The following GFOD2 variants were observed in gnomAD, a reference collection of about 807,000 sequenced individuals.
The protein encoded by GFOD2 is Gfo/Idh/MocA-like oxidoreductase domain containing 2, also known as glucose-fructose oxidoreductase domain-containing protein 2.
Under a neutral mutation model 24.6 loss-of-function variants are expected in GFOD2, and 9 were observed. The observed-to-expected ratio is 0.37, with a 90% CI of 0.22 to 0.64. The LOEUF (loss-of-function observed/expected upper bound fraction) is 0.64, where lower values mean the gene tolerates loss of function less well. GFOD2 is among the 30% of genes least tolerant of loss of function. The pLI is 0.65. For synonymous variants in GFOD2, 211 were observed against 224.8 expected (o/e 0.94, Z 0.55); for missense variants, 476 against 532.5 (o/e 0.89, Z 1.04).
At chr16:67,717,181 C>A (rs928975922) in intron 1 of GFOD2, among the ~76,000 whole-genome samples, 1 of 152,214 alleles carries the variant, frequency 6.6e-6, no homozygotes, top group Non-Finnish European at 1.5e-5. Flanking sequence ...CAGGCATGAG[C>A]TACTGCGCCC....
intron 1 of GFOD2, among the ~76,000 whole-genome samples, chr16:67,697,384 G>A (rs1484761450): frequency 6.6e-6 from 1 of 152,186 alleles, no homozygotes; most frequent in Non-Finnish European, 1.5e-5. Flanking sequence ...ATCTGTGACT[G>A]ACTTAGATGT....
At chr16:67,702,497 C>T (rs1458677794) in intron 1 of GFOD2, among the ~76,000 whole-genome samples, 3 of 151,468 alleles carry the variant, frequency 2.0e-5, no homozygotes, top group Admixed American at 2.0e-4. Flanking sequence ...TACAATTTGG[C>T]CCTTTACAGA....
At chr16:67,682,639 A>G (rs978992616) in intron 2 of GFOD2, 3 of 985,314 alleles carry the variant, frequency 3.0e-6, no homozygotes, top group Non-Finnish European at 3.6e-6. Context: ...CTGTGATATG[A>G]AAAGTATTAT....
chr16:67,717,479 A>G (rs181163151), intron 1 of GFOD2, among the ~76,000 whole-genome samples: 2 of 152,302 alleles, frequency 1.3e-5, no homozygotes, highest in East Asian at 3.9e-4. Context: ...TCAGATAGCA[A>G]TTGCCCTAGC....
At chr16:67,709,771 C>G (rs1273147122) in intron 1 of GFOD2, among the ~76,000 whole-genome samples, 1 of 152,070 alleles carries the variant, frequency 6.6e-6, no homozygotes, top group Non-Finnish European at 1.5e-5. Context: ...CATGCCACCA[C>G]ACCCAGCTAT....
At chr16:67,679,225 C>CT (rs1297973969) in intron 2 of GFOD2, among the ~76,000 whole-genome samples, 150 of 146,862 alleles carry the variant, frequency 1.0e-3, no homozygotes, top group African/African-American at 2.0e-3. Context: ...TAAATAATTT[C>CT]TTTTTTTTTT....
chr16:67,689,005 C>T (rs1220317192), intron 1 of GFOD2, among the ~76,000 whole-genome samples: 13 of 149,786 alleles, frequency 8.7e-5, no homozygotes, highest in African/African-American at 1.5e-4. Flanking sequence ...TCCCGAAGTG[C>T]TGGGATTACA....
intron 2 of GFOD2, chr16:67,685,235 T>C: frequency 7.0e-7 from 1 of 1,427,862 alleles, no homozygotes; most frequent in Admixed American, 2.9e-5. Flanking sequence ...CTTAGAGTAT[T>C]TCCTTAATTT....
intron 2 of GFOD2, chr16:67,683,479 T>C: frequency 1.6e-6 from 2 of 1,231,584 alleles, no homozygotes; most frequent in Non-Finnish European, 2.0e-6. Flanking sequence ...AGTGTTGACT[T>C]AGGTCTATTT....
chr16:67,690,893 C>A (rs979344041), intron 1 of GFOD2, among the ~76,000 whole-genome samples: 1 of 151,838 alleles, frequency 6.6e-6, no homozygotes, highest in African/African-American at 2.4e-5. Flanking sequence ...AATGGAGTCT[C>A]ACTCTGTCAT....
Position 67,685,615 on chromosome 16 carries a change from C to A in GFOD2, c.101G>T (p.Trp34Leu). The stretch of plus-strand genomic sequence containing the variant: ...CTTCGCCTCCTCCTCAGTCTTCCCC[C>A]ACAGGGCCTCAACAGTGAACCCTTC... Reference protein sequence around the residue: ...RAEGFTVEALWGKTEEEAKQL... With the variant: ...RAEGFTVEALLGKTEEEAKQL... Residue 34 changes from tryptophan (W) to leucine (L), a missense_variant, in exon 2 of 3, where the codon TGG (tryptophan) becomes TTG (leucine). By Grantham distance (61) the Trp-to-Leu change is moderately conservative (BLOSUM62 -2). Coordinates refer to ENST00000268797, the MANE Select transcript of GFOD2 (RefSeq NM_030819.4). 22 of 1,614,160 alleles carry A rather than the reference C, an allele frequency of 1.4e-5. No homozygotes were observed. The highest frequency in any genetic ancestry group is 1.6e-4 in the Middle Eastern group (1 of 6,062).
chr16:67,675,470 CAA>C lies in GFOD2; in HGVS notation c.841_842del (p.Leu281GlufsTer12). On this transcript the variant is annotated frameshift_variant, in exon 3 of 3. Transcript: ENST00000268797. LOFTEE classifies it high-confidence loss of function. ...CTGCGCCCACTGCCAGCGAGTCCCT[CAA>C]GAGCAGCTCCTCTTGCGTGGCAGAG... The part of the protein sequence containing the change: ...KNSATQEELL[L>X]RDSLAVGAGL... 6.2e-7 allele frequency: 1 copy of C among 1,612,226 alleles called. No homozygotes were observed. The highest frequency in any genetic ancestry group is 8.5e-7 in the Non-Finnish European group (1 of 1,180,022).
At chr16:67,703,623 A>G (rs2053419276) in intron 1 of GFOD2, among the ~76,000 whole-genome samples, 1 of 152,166 alleles carries the variant, frequency 6.6e-6, no homozygotes, top group South Asian at 2.1e-4. Context: ...AGGATAAAAC[A>G]CAATTTCTTG....
chr16:67,707,471 GAC>G (rs1381913292), intron 1 of GFOD2, among the ~76,000 whole-genome samples: 10 of 151,790 alleles, frequency 6.6e-5, no homozygotes. Flanking sequence ...TTGGAAAATT[GAC>G]AGTTTCTTAT....
intron 1 of GFOD2, among the ~76,000 whole-genome samples, chr16:67,713,257 A>C (rs1268986589): frequency 1.3e-5 from 2 of 152,254 alleles, no homozygotes; most frequent in East Asian, 3.9e-4. Context: ...TGAAAGTGGA[A>C]AGACAAATTC....
intron 1 of GFOD2, among the ~76,000 whole-genome samples, chr16:67,701,491 TGCCCTACTTAAAGGC>T (rs2053402123): frequency 1.3e-5 from 2 of 152,206 alleles, no homozygotes; most frequent in Admixed American, 1.3e-4. Flanking sequence ...AACTGAAAGA[TGCCCTACTTAAAGGC>T]ACCATACTGT....
intron 1 of GFOD2, among the ~76,000 whole-genome samples, chr16:67,707,694 G>A (rs1743989720): frequency 6.6e-6 from 1 of 152,084 alleles, no homozygotes; most frequent in African/African-American, 2.4e-5. Flanking sequence ...AACTATTAAT[G>A]AATTTTTTTC....
Position 67,702,471 on chromosome 16 carries a change from T to TAA in GFOD2, c.-87-16671_-87-16670dup, listed in dbSNP as rs558705693. Among the ~76,000 whole-genome samples the TAA allele has an allele frequency of 2.6e-3, 382 of 144,952 alleles. 3 individuals carry two copies. Among genetic ancestry groups the TAA allele is most frequent in the African/African-American group, 9.4e-3 (376 of 39,794 alleles). ...CCTGGGCAACAGAGTGACTCTGTCTTAAAAAAAAAAAAATTTACAATTTGG... is the reference window on the plus strand; with the variant it reads ...CCTGGGCAACAGAGTGACTCTGTCTTAAAAAAAAAAAAAAATTTACAATTTGG... On this transcript the variant is annotated intron_variant, in intron 1 of 2. Transcript: ENST00000268797.
chr16:67,683,464 G>A (rs2053242978), intron 2 of GFOD2: 2 of 1,231,290 alleles, frequency 1.6e-6, no homozygotes, highest in Non-Finnish European at 1.0e-6. Flanking sequence ...CCAACTTGCT[G>A]CTAAAGTGTT....
Sources: gnomAD v4.1 joint callset for allele counts (sites outside exome capture counted in the v4.1 genomes callset) on GRCh38, gnomAD v4.1.1 for gene constraint, MANE v1.5 for transcripts, NCBI Gene and HGNC (gene_info 2026-07-23, HGNC 2026-07-21) for gene names.